Variants in RPAP2 observed in about 807,000 individuals in gnomAD.
RPAP2 encodes RNA polymerase II associated protein 2.
In RPAP2, 52 loss-of-function variants were observed where a neutral mutation model predicts 73.1. The observed-to-expected ratio is 0.71, with a 90% CI of 0.57 to 0.90. RPAP2 has a LOEUF of 0.90. Among genes scored for constraint, RPAP2 ranks in the 40% least tolerant of loss-of-function variants. The pLI is 0.00. For synonymous variants in RPAP2, 225 were observed against 242.1 expected (o/e 0.93, Z 0.65); for missense variants, 598 against 701.8 (o/e 0.85, Z 1.67).
chr1:92,334,350 T>C (rs188896133), intron 9 of RPAP2, among the ~76,000 whole-genome samples: 1 of 152,304 alleles, frequency 6.6e-6, no homozygotes, highest in East Asian at 1.9e-4. Context: ...CAACCAATTG[T>C]AAAAAGTGTT....
chr1:92,348,462 T>G (rs1654029024), intron 11 of RPAP2, among the ~76,000 whole-genome samples: 1 of 152,224 alleles, frequency 6.6e-6, no homozygotes. Flanking sequence ...TTCTAACTTT[T>G]GCTCTAGGCC....
chr1:92,313,504 C>T (rs1156529253), intron 6 of RPAP2, among the ~76,000 whole-genome samples: 2 of 150,426 alleles, frequency 1.3e-5, no homozygotes, highest in Admixed American at 6.6e-5. Flanking sequence ...GTAAGCCATG[C>T]TGTAAACAGA....
At chr1:92,301,734 TA>T in intron 3 of RPAP2, 144 bp downstream of exon 3, 1 of 423,232 alleles carries the variant, frequency 2.4e-6, no homozygotes. Context: ...TTCATGCATT[TA>T]AAAATAAACA....
Position 92,396,632 on chromosome 1 carries a change from T to TGTGTG in RPAP2, c.*9621_*9622insGTGTG, listed in dbSNP as rs1553157804. 2 of 90,520 alleles carry TGTGTG rather than the reference T, an allele frequency of 2.2e-5. No homozygotes were observed. The highest frequency in any genetic ancestry group is 4.8e-5 in the Non-Finnish European group (2 of 41,770). 5.6% of individuals were successfully genotyped at this position (90,520 alleles called of 1,614,324 possible). On this transcript the variant is annotated 3_prime_UTR_variant, in exon 13 of 13. Transcript: ENST00000610020. ...CTAAGTTGTAATTTTTGCACAACTT[T>TGTGTG]TATGTGTGTGTGTGTGTGTGTGTGT...
intron 11 of RPAP2, among the ~76,000 whole-genome samples, chr1:92,373,795 C>G (rs1655274483): frequency 6.9e-6 from 1 of 145,528 alleles, no homozygotes; most frequent in African/African-American, 2.6e-5. Context: ...TGGTGGCGCA[C>G]CTGTAATCCC....
chr1:92,354,890 AATT>A (rs58610684), intron 11 of RPAP2, among the ~76,000 whole-genome samples: 3,282 of 147,646 alleles, frequency 0.022, 124 homozygotes, highest in African/African-American at 0.068. Flanking sequence ...AATTTATGTA[AATT>A]ATTATTATTA....
chr1:92,310,720 A>G (rs1446747187), intron 6 of RPAP2, among the ~76,000 whole-genome samples: 1 of 152,118 alleles, frequency 6.6e-6, no homozygotes, highest in East Asian at 1.9e-4. Context: ...AACATGACAA[A>G]ACCCTATCTC....
chr1:92,325,982 T>G (rs1287191170), intron 8 of RPAP2, among the ~76,000 whole-genome samples: 3 of 152,156 alleles, frequency 2.0e-5, no homozygotes, highest in Non-Finnish European at 2.9e-5. Context: ...ATGAACAATA[T>G]TCTTAGGAAC....
Position 92,323,563 on chromosome 1 carries a change from A to G in RPAP2, c.643A>G (p.Ser215Gly). The change falls in exon 8 of 13, where the codon AGT (serine) becomes GGT (glycine). Residue 215 changes from serine to glycine, a missense_variant. Physicochemically the swap from Ser to Gly is moderately conservative, Grantham distance 56. Coordinates refer to ENST00000610020, the MANE Select transcript of RPAP2 (RefSeq NM_024813.3). Reference protein sequence around the residue: ...ESSSSSTHSDSSSDNEQDFVS... With the variant: ...ESSSSSTHSDGSSDNEQDFVS... Reference sequence around the variant, plus strand: ...TAGTTCTTCTAGCACTCACAGTGATAGTAGCAGTGACAATGAGCAAGACTT... The same window carrying G: ...TAGTTCTTCTAGCACTCACAGTGATGGTAGCAGTGACAATGAGCAAGACTT... 2 of 1,613,798 alleles carry G rather than the reference A, an allele frequency of 1.2e-6. No individual in the cohort carries two copies. Among genetic ancestry groups the G allele is most frequent in the Non-Finnish European group, 1.7e-6 (2 of 1,179,686 alleles).
chr1:92,360,520 T>C (rs1654683408), intron 11 of RPAP2, among the ~76,000 whole-genome samples: 1 of 152,128 alleles, frequency 6.6e-6, no homozygotes, highest in South Asian at 2.1e-4. Context: ...TTTGAGCATT[T>C]TGGTAGCAGA....
chr1:92,345,900 G>T lies in RPAP2; in HGVS notation c.1674G>T (p.Met558Ile). The change falls in exon 11 of 13, where the codon ATG (methionine) becomes ATT (isoleucine). Residue 558 changes from methionine to isoleucine, a missense_variant. Met to Ile is a conservative substitution (Grantham distance 10, BLOSUM62 1). Transcript: ENST00000610020. ...CTGCGGAATGGACTTTAATTGCTAT[G>T]GTGTTGCTGTCATTGTAAGTACTCT... ...HKPAEWTLIAMVLLSLLTPIL... is the reference protein window; with the variant it reads ...HKPAEWTLIAIVLLSLLTPIL... 6.2e-7 allele frequency: 1 copy of T among 1,603,290 alleles called. No individual in the cohort carries two copies. The highest frequency in any genetic ancestry group is 1.7e-4 in the Middle Eastern group (1 of 6,042).
intron 11 of RPAP2, among the ~76,000 whole-genome samples, chr1:92,362,126 A>G (rs1242179990): frequency 1.3e-5 from 2 of 152,204 alleles, no homozygotes; most frequent in Non-Finnish European, 2.9e-5. Context: ...GCAAACTTAA[A>G]TGAAAGTTAT....
In RPAP2 at chr1:92,314,547, C is replaced by T. The variant is rs571111261; in HGVS notation, c.489-6052C>T. The stretch of plus-strand genomic sequence containing the variant: ...GGTGGATCACTTGAGGTCAGGAGTT[C>T]AAGACCAGCCTGGCCAACAGGGTGA... On this transcript the variant is annotated intron_variant, in intron 6 of 12. Transcript: ENST00000610020. 2.7e-3 allele frequency among the ~76,000 whole-genome samples: 397 copies of T among 147,466 alleles called. 3 individuals carry two copies. Among genetic ancestry groups the T allele is most frequent in the South Asian group, 9.8e-3 (45 of 4,590 alleles).
At chr1:92,326,152 A>G (rs1652611076) in intron 8 of RPAP2, among the ~76,000 whole-genome samples, 2 of 152,022 alleles carry the variant, frequency 1.3e-5, no homozygotes, top group Admixed American at 6.6e-5. Flanking sequence ...CTACTACTAT[A>G]TGGGAGTTTC....
chr1:92,357,032 C>CT (rs1430150805), intron 11 of RPAP2, among the ~76,000 whole-genome samples: 1 of 151,278 alleles, frequency 6.6e-6, no homozygotes. Context: ...TGTCACTGCA[C>CT]TCCAGCCTGG....
At chr1:92,363,068 GA>G (rs1294838536) in intron 11 of RPAP2, among the ~76,000 whole-genome samples, 2 of 151,922 alleles carry the variant, frequency 1.3e-5, no homozygotes, top group East Asian at 1.9e-4. Context: ...TCTCCAGGGG[GA>G]AAAAAATGCA....
intron 12 of RPAP2, among the ~76,000 whole-genome samples, chr1:92,384,854 T>C (rs1445993014): frequency 6.6e-6 from 1 of 152,032 alleles, no homozygotes; most frequent in East Asian, 1.9e-4. Context: ...TGTACATTGG[T>C]TGACAGGTGT....
At position 92,304,293 on chromosome 1, in the gene RPAP2, CAG is replaced by C. The variant is rs1290541594; in HGVS notation, c.345_346del (p.Lys116IlefsTer2). 10 of 1,481,516 alleles carry C rather than the reference CAG, an allele frequency of 6.7e-6. No individual in the cohort carries two copies. The highest frequency in any genetic ancestry group is 9.3e-6 in the Non-Finnish European group (10 of 1,070,036). The allele number at this position is 1,481,516 out of a possible 1,614,324, so 91.8% of individuals were successfully genotyped here. The part of the protein sequence containing the change: ...CQKKLGIVPK[Q>X]KYKISTKTNK... ...ACTTTCTTTTCTTTAGGTACCAAAACAGAAATATAAAATTTCTACCAAAACCA... is the reference window on the plus strand; with the variant it reads ...ACTTTCTTTTCTTTAGGTACCAAAACAAATATAAAATTTCTACCAAAACCA... On this transcript the variant is annotated frameshift_variant, in exon 5 of 13. Coordinates refer to ENST00000610020, the MANE Select transcript of RPAP2 (RefSeq NM_024813.3). LOFTEE classifies it high-confidence loss of function.
intron 9 of RPAP2, among the ~76,000 whole-genome samples, chr1:92,335,915 TGTTA>T: frequency 6.6e-6 from 1 of 152,318 alleles, no homozygotes; most frequent in East Asian, 1.9e-4. Flanking sequence ...ACATTTAAAC[TGTTA>T]ATATATATTG....
Sources: allele counts gnomAD v4.1 joint callset (sites outside exome capture counted in the v4.1 genomes callset), GRCh38; gene constraint gnomAD v4.1.1; transcripts MANE v1.5; gene names NCBI Gene and HGNC (gene_info 2026-07-23, HGNC 2026-07-21).